Variants in TSGA10 observed in about 807,000 individuals in gnomAD.
The protein encoded by TSGA10 is testis specific 10.
A neutral mutation model predicts 96.6 loss-of-function variants in TSGA10; 43 were observed. That is an observed-to-expected ratio of 0.44 (90% CI 0.35 to 0.57). The LOEUF (loss-of-function observed/expected upper bound fraction) is 0.57. TSGA10 is among the 20% of genes least tolerant of loss of function. The pLI is 0.01. For missense variants in TSGA10, 703 were observed against 834.4 expected, an observed-to-expected ratio of 0.84 and a Z score of 1.94; for synonymous variants, 229 against 269.9, an observed-to-expected ratio of 0.85 and a Z score of 1.48.
At chr2:99,109,896 G>A (rs2091657789) in intron 5 of TSGA10, among the ~76,000 whole-genome samples, 3 of 152,152 alleles carry the variant, frequency 2.0e-5, no homozygotes, top group African/African-American at 7.2e-5. Flanking sequence ...TGGGCATGGT[G>A]GCTCATGCCT....
At position 99,018,569 on chromosome 2, in the gene TSGA10, G is replaced by T; in HGVS notation, c.1889C>A (p.Thr630Asn). The T allele has an allele frequency of 1.2e-6, 2 of 1,613,970 alleles. No individual in the cohort carries two copies. The highest frequency in any genetic ancestry group is 1.7e-6 in the Non-Finnish European group (2 of 1,179,978). ...VTQLEADLDI[T>N]KRQLGTERFE... The stretch of plus-strand genomic sequence containing the variant: ...GCGCTCTGTTCCTAGTTGTCTTTTG[G>T]TAATGTCTAAATCAGCTTCCAATTG... Residue 630 changes from threonine to asparagine, a missense_variant, in exon 19 of 21, where the codon ACC becomes AAC. Physicochemically the swap from Thr to Asn is moderately conservative, Grantham distance 65. Around this residue, in one of 3 missense-constraint regions of TSGA10, gnomAD observed 49 missense variants for 96.4 expected, o/e 0.51. Coordinates refer to ENST00000393483, the MANE Select transcript of TSGA10 (RefSeq NM_025244.4).
In TSGA10 at chr2:99,008,129, T is replaced by C. The variant is rs148691586; in HGVS notation, c.2073-9908A>G. Among the ~76,000 whole-genome samples the C allele has an allele frequency of 2.6e-5, 4 of 152,222 alleles. No homozygotes were observed. In the East Asian group the frequency reaches 7.7e-4, roughly 29 times the overall value. ...ACTAAAAGAAAACATTCCTCTACTATCTGGGGAGAGAGAAAGATTTGCTAA... is the reference window on the plus strand; with the variant it reads ...ACTAAAAGAAAACATTCCTCTACTACCTGGGGAGAGAGAAAGATTTGCTAA... On this transcript the variant is annotated intron_variant, in intron 20 of 20. Coordinates refer to ENST00000393483, the MANE Select transcript of TSGA10 (RefSeq NM_025244.4).
intron 15 of TSGA10, among the ~76,000 whole-genome samples, chr2:99,067,120 G>A (rs1473477444): frequency 1.3e-5 from 2 of 152,012 alleles, no homozygotes; most frequent in East Asian, 3.9e-4. Context: ...CTACCTACAG[G>A]ACCTACTTTT....
chr2:99,005,315 C>A (rs948818291), intron 20 of TSGA10, among the ~76,000 whole-genome samples: 1 of 152,022 alleles, frequency 6.6e-6, no homozygotes, highest in African/African-American at 2.4e-5. Flanking sequence ...GAGAAAGAAA[C>A]AAAGGGTATT....
At chr2:99,131,022 G>A (rs1446215660) in intron 1 of TSGA10, among the ~76,000 whole-genome samples, 1 of 152,116 alleles carries the variant, frequency 6.6e-6, no homozygotes, top group African/African-American at 2.4e-5. Context: ...GTACCATGCT[G>A]TTTTGATTAC....
rs2091632396 is a variant in TSGA10 at position 99,109,492 on chromosome 2, G to A, written c.-53C>T. 3 of 1,599,040 alleles carry A rather than the reference G, an allele frequency of 1.9e-6. No homozygotes were observed. The African/African-American group carries it at 4.0e-5, about 21-fold the overall frequency. ...ATAGTGATCTTTGTCTGCTTCCAAA[G>A]TCTTGACAAAGGAATCAAGTCTAGA... On this transcript the variant is annotated 5_prime_UTR_variant, in exon 6 of 21. Coordinates refer to ENST00000393483, the MANE Select transcript of TSGA10 (RefSeq NM_025244.4).
At chr2:99,031,286 CAAAAAAAA>C (rs70940132) in intron 17 of TSGA10, among the ~76,000 whole-genome samples, 10 of 46,384 alleles carry the variant, frequency 2.2e-4, no homozygotes, top group African/African-American at 9.7e-4. Flanking sequence ...ACTCATAGGC[CAAAAAAAA>C]AAAAAAAAAA....
intron 4 of TSGA10, among the ~76,000 whole-genome samples, chr2:99,114,647 A>G (rs932513018): frequency 1.3e-5 from 2 of 152,124 alleles, no homozygotes; most frequent in Non-Finnish European, 2.9e-5. Flanking sequence ...TCCACCTGTA[A>G]ATTTAATACT....
intron 2 of TSGA10, among the ~76,000 whole-genome samples, chr2:99,123,506 T>C (rs2092684201): frequency 6.6e-6 from 1 of 152,192 alleles, no homozygotes; most frequent in African/African-American, 2.4e-5. Context: ...AGTTACTTTA[T>C]TTTTAAAGCT....
intron 5 of TSGA10, among the ~76,000 whole-genome samples, chr2:99,110,239 G>A (rs968745999): frequency 3.9e-5 from 6 of 152,160 alleles, no homozygotes; most frequent in African/African-American, 1.2e-4. Context: ...TGTTCAATGC[G>A]TGAATAAATT....
At chr2:99,102,714 G>A in intron 10 of TSGA10, 1 of 1,611,112 alleles carries the variant, frequency 6.2e-7, no homozygotes, top group Non-Finnish European at 8.5e-7. Context: ...AGCGGAGATG[G>A]CCAAAGACTT....
chr2:99,089,867 G>C (rs2089073807), intron 10 of TSGA10, among the ~76,000 whole-genome samples: 1 of 152,028 alleles, frequency 6.6e-6, no homozygotes, highest in South Asian at 2.1e-4. Flanking sequence ...GGGAGTTCTG[G>C]GGCCCCACTC....
chr2:99,047,284 T>C (rs183176855), intron 16 of TSGA10, among the ~76,000 whole-genome samples: 38 of 152,288 alleles, frequency 2.5e-4, no homozygotes, highest in African/African-American at 8.9e-4. Context: ...AGGATAATTT[T>C]AGACCAATAT....
chr2:99,134,615 T>A (rs1173179850), intron 1 of TSGA10, among the ~76,000 whole-genome samples: 1 of 152,130 alleles, frequency 6.6e-6, no homozygotes, highest in Admixed American at 6.5e-5. Context: ...CCAGTTTTGC[T>A]CCTTTGCTGG....
intron 20 of TSGA10, among the ~76,000 whole-genome samples, chr2:99,004,121 C>T (rs1047850084): frequency 6.6e-6 from 1 of 152,124 alleles, no homozygotes; most frequent in Non-Finnish European, 1.5e-5. Flanking sequence ...GGGATATCAC[C>T]ACTGATCCCA....
At chr2:99,139,426 A>G (rs969476919) in intron 1 of TSGA10, among the ~76,000 whole-genome samples, 2 of 152,248 alleles carry the variant, frequency 1.3e-5, no homozygotes, top group African/African-American at 4.8e-5. Context: ...ATTTTTTGAT[A>G]GAATGGAAAA....
At chr2:99,129,296 T>A (rs1249648918) in intron 1 of TSGA10, among the ~76,000 whole-genome samples, 1 of 152,180 alleles carries the variant, frequency 6.6e-6, no homozygotes, top group African/African-American at 2.4e-5. Context: ...ACAAGCAATG[T>A]CCAAAAACTC....
chr2:99,085,861 T>C (rs963534292), intron 10 of TSGA10, among the ~76,000 whole-genome samples: 5 of 151,870 alleles, frequency 3.3e-5, no homozygotes, highest in Admixed American at 6.6e-5. Context: ...GATAAACAAA[T>C]AGAAAACAAG....
rs140589173 is a variant in TSGA10 at position 99,035,989 on chromosome 2, A to G, written c.1405-550T>C. ...AAGTATAAATTAAGTATATATCCAC[A>G]TTATAGGAAATAAGAGTGTGTTTTT... On this transcript the variant is annotated intron_variant, in intron 16 of 20. Coordinates refer to ENST00000393483, the MANE Select transcript of TSGA10 (RefSeq NM_025244.4). Among the ~76,000 whole-genome samples the G allele has an allele frequency of 8.4e-4, 128 of 152,248 alleles. 2 individuals carry two copies. In the East Asian group the frequency reaches 0.023, roughly 28 times the overall value.
Sources: allele counts gnomAD v4.1 joint callset (sites outside exome capture counted in the v4.1 genomes callset), GRCh38; gene constraint gnomAD v4.1.1; regional missense constraint gnomAD v4.1.1; transcripts MANE v1.5; gene names NCBI Gene and HGNC (gene_info 2026-07-23, HGNC 2026-07-21).